Variants in KIAA1217 observed in about 807,000 individuals in gnomAD.
The protein encoded by KIAA1217 is KIAA1217, also known as sickle tail protein homolog.
A neutral mutation model predicts 163.9 loss-of-function variants in KIAA1217; 88 were observed. That is an observed-to-expected ratio of 0.54 (90% CI 0.45 to 0.64). The LOEUF is 0.64. KIAA1217 is among the 30% of genes least tolerant of loss of function. KIAA1217 has a pLI of 0.00. For missense variants in KIAA1217, 2,372 were observed against 2,475.0 expected, an observed-to-expected ratio of 0.96 and a Z score of 0.88; for synonymous variants, 903 against 923.1, an observed-to-expected ratio of 0.98 and a Z score of 0.39.
intron 6 of KIAA1217, chr10:24,482,229 GCGT>G (rs924723166): frequency 5.3e-5 from 8 of 152,194 alleles, no homozygotes; most frequent in Admixed American, 4.6e-4. Context: ...AAAGGAAAAG[GCGT>G]CGTCTGTCAC....
At chr10:23,938,922 A>G (rs1340994573) in intron 1 of KIAA1217, among the ~76,000 whole-genome samples, 1 of 152,244 alleles carries the variant, frequency 6.6e-6, no homozygotes, top group Non-Finnish European at 1.5e-5. Context: ...GAGAAAAAAT[A>G]CATTTAAAAC....
At chr10:24,097,716 G>A (rs954154380) in intron 2 of KIAA1217, among the ~76,000 whole-genome samples, 1 of 152,180 alleles carries the variant, frequency 6.6e-6, no homozygotes, top group African/African-American at 2.4e-5. Context: ...ATTCCAAGTG[G>A]CCTAAAAAAC....
At chr10:23,895,122 A>G (rs1841617482) in intron 1 of KIAA1217, among the ~76,000 whole-genome samples, 3 of 152,272 alleles carry the variant, frequency 2.0e-5, no homozygotes, top group South Asian at 4.1e-4. Flanking sequence ...AATGGCAACA[A>G]AAGACAAAAT....
chr10:24,473,402 C>T lies in KIAA1217; in HGVS notation c.1021C>T (p.Pro341Ser). 1.2e-6 allele frequency: 2 copies of T among 1,613,838 alleles called. No homozygotes were observed. The highest frequency in any genetic ancestry group is 1.7e-6 in the Non-Finnish European group (2 of 1,179,858). The change falls in exon 6 of 21, where the codon CCT (proline) becomes TCT (serine). Residue 341 changes from proline (P) to serine (S), a missense_variant. Physicochemically the swap from Pro to Ser is moderately conservative, Grantham distance 74. Around this residue, in one of 3 missense-constraint regions of KIAA1217, gnomAD observed 1,431 missense variants for 1,470.3 expected, o/e 0.97. Coordinates refer to ENST00000376454, the MANE Select transcript of KIAA1217 (RefSeq NM_019590.5). Reference sequence around the variant, plus strand: ...TGGGGGCACCCGCTCCATGGTTGTTCCTGGCAATGCCACCATCCCCAGGGA... The same window carrying T: ...TGGGGGCACCCGCTCCATGGTTGTTTCTGGCAATGCCACCATCCCCAGGGA... ...PYGGTRSMVV[P>S]GNATIPRDRI...
chr10:24,018,010 A>T (rs767284468), intron 2 of KIAA1217, among the ~76,000 whole-genome samples: 13 of 152,118 alleles, frequency 8.5e-5, no homozygotes, highest in Admixed American at 8.5e-4. Flanking sequence ...TTACCTTTGT[A>T]GCCCCCCAAA....
chr10:23,746,996 TA>T lies in KIAA1217; in HGVS notation c.-321+51768del, dbSNP rs1000127362. On this transcript the variant is annotated intron_variant, in intron 1 of 18. Transcript: ENST00000376462. Reference sequence around the variant, plus strand: ...GAGTATCTGATTATAGTGAAGGAAGTAAAAAACTATAGGAGGTAAAGAAGAA... The same window carrying T: ...GAGTATCTGATTATAGTGAAGGAAGTAAAAACTATAGGAGGTAAAGAAGAA... Among the ~76,000 whole-genome samples, 11 of 151,682 alleles carry T rather than the reference TA, an allele frequency of 7.3e-5. No individual in the cohort carries two copies. In the South Asian group the frequency reaches 1.5e-3, roughly 20 times the overall value.
intron 1 of KIAA1217, among the ~76,000 whole-genome samples, chr10:23,902,258 C>A (rs1412453815): frequency 1.3e-5 from 2 of 152,036 alleles, no homozygotes; most frequent in South Asian, 2.1e-4. Flanking sequence ...CCTTAGCAAA[C>A]TAAGGCAGGA....
At chr10:24,470,317 C>A (rs1434919136) in intron 5 of KIAA1217, among the ~76,000 whole-genome samples, 1 of 152,186 alleles carries the variant, frequency 6.6e-6, no homozygotes, top group Non-Finnish European at 1.5e-5. Flanking sequence ...GAATGAGCAT[C>A]AGTCAGGTGT....
chr10:23,824,331 A>G (rs772540325), intron 1 of KIAA1217, among the ~76,000 whole-genome samples: 3 of 151,604 alleles, frequency 2.0e-5, no homozygotes, highest in Non-Finnish European at 2.9e-5. Flanking sequence ...GCTAAGAAAG[A>G]TACATAAAGA....
chr10:24,531,197 T>A (rs1185616684), intron 14 of KIAA1217, among the ~76,000 whole-genome samples: 1 of 152,124 alleles, frequency 6.6e-6, no homozygotes, highest in Non-Finnish European at 1.5e-5. Flanking sequence ...AGTGAGACCC[T>A]ATCTACAAAA....
intron 2 of KIAA1217, among the ~76,000 whole-genome samples, chr10:24,090,516 C>T (rs978560001): frequency 9.9e-5 from 15 of 151,406 alleles, no homozygotes; most frequent in East Asian, 9.7e-4. Flanking sequence ...CAGAGCTAAT[C>T]TTTCCTTTCT....
chr10:24,092,626 T>A (rs1001151784), intron 2 of KIAA1217, among the ~76,000 whole-genome samples: 4 of 151,758 alleles, frequency 2.6e-5, no homozygotes, highest in Non-Finnish European at 4.4e-5. Context: ...CTTAAATATA[T>A]TTCATTAAAT....
chr10:23,999,952 A>G (rs138497903), intron 1 of KIAA1217, among the ~76,000 whole-genome samples: 31 of 152,220 alleles, frequency 2.0e-4, no homozygotes, highest in African/African-American at 6.7e-4. Flanking sequence ...CTGTAGTCCC[A>G]GCTACTCAGG....
chr10:24,387,569 G>A (rs1047983583), intron 3 of KIAA1217, among the ~76,000 whole-genome samples: 1 of 152,174 alleles, frequency 6.6e-6, no homozygotes, highest in Non-Finnish European at 1.5e-5. Flanking sequence ...TCAGGCAAGA[G>A]AAAGAAATAA....
chr10:23,784,543 C>A (rs1158049744), intron 1 of KIAA1217, among the ~76,000 whole-genome samples: 1 of 151,788 alleles, frequency 6.6e-6, no homozygotes, highest in Non-Finnish European at 1.5e-5. Flanking sequence ...TATTTCCTTT[C>A]TTGCTGTCTT....
At chr10:23,715,519 T>C (rs1167380986) in intron 1 of KIAA1217, among the ~76,000 whole-genome samples, 1 of 152,186 alleles carries the variant, frequency 6.6e-6, no homozygotes, top group Non-Finnish European at 1.5e-5. Flanking sequence ...TGATGAGACC[T>C]CATGGTAAAA....
At chr10:24,426,220 T>C (rs1326190483) in intron 3 of KIAA1217, among the ~76,000 whole-genome samples, 2 of 152,230 alleles carry the variant, frequency 1.3e-5, no homozygotes, top group Admixed American at 1.3e-4. Flanking sequence ...AATAATTTAA[T>C]GTGTTTCAAC....
intron 2 of KIAA1217, among the ~76,000 whole-genome samples, chr10:24,322,136 C>T (rs970464909): frequency 6.6e-6 from 1 of 151,908 alleles, no homozygotes; most frequent in African/African-American, 2.4e-5. Flanking sequence ...TATCATTTGG[C>T]AGAGATGGTG....
chr10:24,288,110 A>G (rs2078735369), intron 2 of KIAA1217, among the ~76,000 whole-genome samples: 1 of 152,170 alleles, frequency 6.6e-6, no homozygotes, highest in Non-Finnish European at 1.5e-5. Flanking sequence ...GACATAGTAG[A>G]CACCCTACTC....
Sources: allele counts gnomAD v4.1 joint callset (sites outside exome capture counted in the v4.1 genomes callset), GRCh38; gene constraint gnomAD v4.1.1; regional missense constraint gnomAD v4.1.1; transcripts MANE v1.5; gene names NCBI Gene and HGNC (gene_info 2026-07-23, HGNC 2026-07-21).